SGMS2: variants seen among roughly 807,000 people sequenced by gnomAD.
SGMS2 encodes the protein phosphatidylcholine:ceramide cholinephosphotransferase 2.
A neutral mutation model predicts 43.8 loss-of-function variants in SGMS2; 21 were observed. The ratio of observed to expected loss-of-function variants is 0.48; its 90% CI spans 0.34 to 0.69. The LOEUF (loss-of-function observed/expected upper bound fraction) is 0.69. SGMS2 is among the 30% of genes least tolerant of loss of function. SGMS2 has a pLI of 0.01. For missense variants in SGMS2, 384 were observed against 443.2 expected (o/e 0.87, Z 1.20); for synonymous variants, 167 against 160.6 (o/e 1.04, Z -0.30).
intron 1 of SGMS2, among the ~76,000 whole-genome samples, chr4:107,831,342 T>A (rs1725880994): frequency 6.6e-6 from 1 of 152,198 alleles, no homozygotes; most frequent in Non-Finnish European, 1.5e-5. Flanking sequence ...AGGTGAACCC[T>A]GACAGGCTTA....
At chr4:107,901,073 A>G (rs1176593499) in intron 4 of SGMS2, among the ~76,000 whole-genome samples, 1 of 152,206 alleles carries the variant, frequency 6.6e-6, no homozygotes, top group Non-Finnish European at 1.5e-5. Flanking sequence ...GATTACAGAA[A>G]GAAAGTAAAT....
intron 2 of SGMS2, among the ~76,000 whole-genome samples, chr4:107,861,137 G>T (rs1213917139): frequency 1.3e-5 from 2 of 152,214 alleles, no homozygotes; most frequent in Non-Finnish European, 2.9e-5. Flanking sequence ...GAGACAATTA[G>T]TGGTAATTTA....
At chr4:107,882,770 A>G (rs562131435) in intron 2 of SGMS2, among the ~76,000 whole-genome samples, 11 of 152,270 alleles carry the variant, frequency 7.2e-5, no homozygotes, top group South Asian at 2.1e-4. Flanking sequence ...GGTCTAAGAA[A>G]GCTCTTGTGT....
intron 2 of SGMS2, among the ~76,000 whole-genome samples, chr4:107,881,002 A>G (rs1328211120): frequency 3.3e-5 from 5 of 152,158 alleles, no homozygotes; most frequent in African/African-American, 1.2e-4. Flanking sequence ...TACAGATTTA[A>G]TATGGTAGCT....
intron 2 of SGMS2, among the ~76,000 whole-genome samples, chr4:107,870,375 A>T (rs1308310942): frequency 6.6e-6 from 1 of 152,088 alleles, no homozygotes; most frequent in Non-Finnish European, 1.5e-5. Context: ...GCCAACATTT[A>T]TTTACTCCGA....
rs1285903577 is a variant in SGMS2, at chr4:107,911,657, A to C, written c.*1104A>C. 4 of 152,248 alleles carry C rather than the reference A, an allele frequency of 2.6e-5. No individual in the cohort carries two copies. The highest frequency in any genetic ancestry group is 5.9e-5 in the Non-Finnish European group (4 of 68,042). 9.4% of individuals were successfully genotyped at this position (152,248 alleles called of 1,614,324 possible). On this transcript the variant is annotated 3_prime_UTR_variant, in exon 7 of 7. Transcript: ENST00000690982. Reference sequence around the variant, plus strand: ...GTTTCTTATAACTAGTCCTAAGGACATATGCCGCAATTGAGTAATTTTACT... The same window carrying C: ...GTTTCTTATAACTAGTCCTAAGGACCTATGCCGCAATTGAGTAATTTTACT...
intron 1 of SGMS2, among the ~76,000 whole-genome samples, chr4:107,831,883 G>A (rs1403256745): frequency 6.6e-6 from 1 of 152,206 alleles, no homozygotes; most frequent in African/African-American, 2.4e-5. Flanking sequence ...CAATATGCCT[G>A]CCCTCTTAGC....
intron 4 of SGMS2, among the ~76,000 whole-genome samples, chr4:107,901,042 G>T (rs563071463): frequency 1.3e-5 from 2 of 152,296 alleles, no homozygotes; most frequent in African/African-American, 4.8e-5. Flanking sequence ...AACGGATGAG[G>T]TTTGCAGGAT....
intron 2 of SGMS2, among the ~76,000 whole-genome samples, chr4:107,885,823 T>C (rs1729705486): frequency 6.6e-6 from 1 of 152,150 alleles, no homozygotes; most frequent in Non-Finnish European, 1.5e-5. Flanking sequence ...GAAAACCTAA[T>C]AAAAATATGA....
rs554214576 is a variant in SGMS2, at chr4:107,840,266, C to T, written c.-327+15013C>T. Among the ~76,000 whole-genome samples, 4 of 152,286 alleles carry T rather than the reference C, an allele frequency of 2.6e-5. No homozygotes were observed. The South Asian group carries it at 8.3e-4, about 32-fold the overall frequency. On this transcript the variant is annotated intron_variant, in intron 1 of 6. Coordinates refer to ENST00000690982, the MANE Select transcript of SGMS2 (RefSeq NM_001375905.1). The stretch of plus-strand genomic sequence containing the variant: ...ACTTTTCTTGATAGAACTCTGATTT[C>T]CTCATGTTATGTTTTCACTAAGATT...
chr4:107,908,059 A>G (rs148826102), intron 5 of SGMS2: 8 of 153,370 alleles, frequency 5.2e-5, no homozygotes, highest in African/African-American at 1.9e-4. Context: ...GCTAGCCACA[A>G]TGCCATTCCT....
chr4:107,825,586 G>GTGTGTT (rs1443786116), intron 1 of SGMS2, among the ~76,000 whole-genome samples: 1 of 150,526 alleles, frequency 6.6e-6, no homozygotes, highest in East Asian at 1.9e-4. Context: ...GACTGTGTGT[G>GTGTGTT]TGTGTTTGTG....
At chr4:107,905,806 C>T (rs1197560565) in intron 5 of SGMS2, among the ~76,000 whole-genome samples, 1 of 152,222 alleles carries the variant, frequency 6.6e-6, no homozygotes, top group Non-Finnish European at 1.5e-5. Flanking sequence ...TCTTTCATCT[C>T]AGAGCAACAG....
intron 2 of SGMS2, chr4:107,867,775 G>T (rs1728238901): frequency 6.6e-6 from 1 of 152,036 alleles, no homozygotes; most frequent in African/African-American, 2.4e-5. Context: ...TATAGCTCTT[G>T]TTCTTAAGTC....
At chr4:107,851,338 A>G (rs1258080563) in intron 1 of SGMS2, among the ~76,000 whole-genome samples, 1 of 152,168 alleles carries the variant, frequency 6.6e-6, no homozygotes, top group Non-Finnish European at 1.5e-5. Flanking sequence ...AGAGTAAGCA[A>G]CCTCTTAGAA....
intron 2 of SGMS2, among the ~76,000 whole-genome samples, chr4:107,886,226 G>A (rs993949430): frequency 2.6e-5 from 4 of 151,610 alleles, no homozygotes; most frequent in Non-Finnish European, 5.9e-5. Flanking sequence ...TGGAGACAGG[G>A]TCTCACTCCA....
At position 107,824,949 on chromosome 4, in the gene SGMS2, G is replaced by A. The variant is rs2125975773; in HGVS notation, c.-631G>A. 1 of 151,286 alleles carries A rather than the reference G, an allele frequency of 6.6e-6. No individual in the cohort carries two copies. Among genetic ancestry groups the A allele is most frequent in the East Asian group, 1.9e-4 (1 of 5,130 alleles). 9.4% of individuals were successfully genotyped at this position (151,286 alleles called of 1,614,324 possible). ...CGGTCAACACTGAGCGCCGCGCCGT[G>A]GGCCGAGTGGGGCGGGGAGACCCAG... On this transcript the variant is annotated 5_prime_UTR_variant, in exon 1 of 7. Coordinates refer to ENST00000690982, the MANE Select transcript of SGMS2 (RefSeq NM_001375905.1).
At chr4:107,910,174 G>T (rs546346531) in intron 6 of SGMS2, among the ~76,000 whole-genome samples, 176 bp from the exon 7 acceptor site, 1 of 152,176 alleles carries the variant, frequency 6.6e-6, no homozygotes, top group Non-Finnish European at 1.5e-5. Flanking sequence ...AGACACCTAG[G>T]TGTGTTAGGG....
In SGMS2 at chr4:107,890,623, C is replaced by G. The variant is rs561550749; in HGVS notation, c.-244-4687C>G. On this transcript the variant is annotated intron_variant, in intron 2 of 6. Transcript: ENST00000690982. ...CCAGGAGGTGGAGGTTGCAGTGAGCCAAGATCACACGACTGCACTCCAGCC... is the reference window on the plus strand; with the variant it reads ...CCAGGAGGTGGAGGTTGCAGTGAGCGAAGATCACACGACTGCACTCCAGCC... Among the ~76,000 whole-genome samples the G allele has an allele frequency of 7.2e-5, 10 of 138,000 alleles. No homozygotes were observed. In the South Asian group the frequency reaches 2.6e-3, roughly 36 times the overall value. The allele number at this position is 138,000 out of a possible 152,430, so 90.5% of individuals were successfully genotyped here. A position where few individuals can be genotyped will look rare whatever the true frequency, so the allele number is the denominator to read the frequency against.
Sources: gnomAD v4.1 joint callset for allele counts (sites outside exome capture counted in the v4.1 genomes callset) on GRCh38, gnomAD v4.1.1 for gene constraint, MANE v1.5 for transcripts, NCBI Gene and HGNC (gene_info 2026-07-23, HGNC 2026-07-21) for gene names.